Variants in ARHGAP35 observed in about 807,000 individuals in gnomAD.
ARHGAP35 encodes Rho GTPase activating protein 35.
In ARHGAP35, 15 loss-of-function variants were observed where a neutral mutation model predicts 111.1. That is an observed-to-expected ratio of 0.13 (90% CI 0.09 to 0.21). The LOEUF (loss-of-function observed/expected upper bound fraction) is 0.21. Among genes scored for constraint, ARHGAP35 ranks in the 10% least tolerant of loss-of-function variants. ARHGAP35 has a pLI of 1.00. For synonymous variants in ARHGAP35, 643 were observed against 710.3 expected (o/e 0.91, Z 1.51); for missense variants, 1,262 against 1,873.0 (o/e 0.67, Z 6.02).
intron 3 of ARHGAP35, among the ~76,000 whole-genome samples, chr19:46,957,075 T>A (rs925288816): frequency 2.6e-5 from 4 of 151,282 alleles, no homozygotes; most frequent in South Asian, 4.2e-4. Context: ...CATTCTCCTG[T>A]CTCAGCCTCC....
chr19:46,883,668 G>A (rs1180673333), intron 1 of ARHGAP35, among the ~76,000 whole-genome samples: 2 of 152,182 alleles, frequency 1.3e-5, no homozygotes, highest in Non-Finnish European at 1.5e-5. Flanking sequence ...AAATGATGCT[G>A]ATAGACTTGC....
rs1012830005 is a variant in ARHGAP35 at position 46,926,984 on chromosome 19, G to C, written c.3681+4628G>C. ...AGACAAGCTGAATGCGATGAAATAT[G>C]AGCTCTTTGTAACCTGCCTAGGAAA... is the stretch of plus-strand genomic sequence containing the variant. On this transcript the variant is annotated intron_variant, in intron 2 of 6. Coordinates refer to ENST00000672722, the MANE Select transcript of ARHGAP35 (RefSeq NM_004491.5). This position sits in a 1 kb window ranked among gnomAD's most constrained non-coding sequence, Gnocchi z 4.1. Among the ~76,000 whole-genome samples, 1 of 152,344 alleles carries C rather than the reference G, an allele frequency of 6.6e-6. No homozygotes were observed. Among genetic ancestry groups the C allele is most frequent in the Non-Finnish European group, 1.5e-5 (1 of 68,036 alleles).
intron 3 of ARHGAP35, among the ~76,000 whole-genome samples, chr19:46,963,230 T>G (rs1010945206): frequency 1.3e-5 from 2 of 152,146 alleles, no homozygotes; most frequent in Non-Finnish European, 2.9e-5. Flanking sequence ...ATAGTATGAT[T>G]TTGAGCACTT....
In ARHGAP35 at chr19:46,992,286, G is replaced by T. The variant is rs566962752; in HGVS notation, c.4036+2611G>T. 6.6e-6 allele frequency among the ~76,000 whole-genome samples: 1 copy of T among 152,284 alleles called. No individual in the cohort carries two copies. Among genetic ancestry groups the T allele is most frequent in the East Asian group, 1.9e-4 (1 of 5,184 alleles). ...GATACAGCCTGCCCAGGGTCACACCGCTAGGGAGTGGCAAGCCGGGGCTTG... is the reference window on the plus strand; with the variant it reads ...GATACAGCCTGCCCAGGGTCACACCTCTAGGGAGTGGCAAGCCGGGGCTTG... On this transcript the variant is annotated intron_variant, in intron 5 of 6. Transcript: ENST00000672722. This position sits in a 1 kb window ranked among gnomAD's most constrained non-coding sequence, Gnocchi z 4.4.
Position 46,922,115 on chromosome 19 carries a change from G to C in ARHGAP35, c.3440G>C (p.Arg1147Pro), listed in dbSNP as rs756892159. 8.1e-6 allele frequency: 13 copies of C among 1,614,032 alleles called. No homozygotes were observed. Among genetic ancestry groups the C allele is most frequent in the Non-Finnish European group, 8.5e-7 (1 of 1,179,902 alleles). The change falls in exon 2 of 7, where the codon CGC becomes CCC. Residue 1147 changes from arginine to proline, a missense_variant. This residue lies in a region of ARHGAP35 where 579 missense variants were observed against 716.9 expected (regional missense o/e 0.81). Coordinates refer to ENST00000672722, the MANE Select transcript of ARHGAP35 (RefSeq NM_004491.5). The surrounding 1 kb of genome is among the most constrained non-coding windows in gnomAD (Gnocchi z 4.0). The stretch of plus-strand genomic sequence containing the variant: ...GACACCAGCTCTCTAGAGCGAGGGC[G>C]CAAGGTTTCCATCGTGAGCAAGCCA... ...EMDTSSLERG[R>P]KVSIVSKPVL...
chr19:46,957,243 G>A (rs186284269), intron 3 of ARHGAP35, among the ~76,000 whole-genome samples: 228 of 152,238 alleles, frequency 1.5e-3, no homozygotes, highest in African/African-American at 5.1e-3. Context: ...TTACAGGCGT[G>A]AGCCACTGCG....
chr19:46,983,103 AACTG>A (rs1381549049), intron 3 of ARHGAP35, among the ~76,000 whole-genome samples: 2 of 145,914 alleles, frequency 1.4e-5, no homozygotes, highest in African/African-American at 2.5e-5. Context: ...CTCCCCTCCA[AACTG>A]ACTGAATCCA....
chr19:46,914,393 T>C (rs2056153656), intron 1 of ARHGAP35, among the ~76,000 whole-genome samples: 1 of 152,102 alleles, frequency 6.6e-6, no homozygotes, highest in East Asian at 1.9e-4. Flanking sequence ...GGAGGATTGC[T>C]TGAGGCCAGG....
chr19:46,888,260 TAATATATATA>T (rs2056003084), intron 1 of ARHGAP35, among the ~76,000 whole-genome samples: 1 of 53,090 alleles, frequency 1.9e-5, no homozygotes, highest in Non-Finnish European at 3.5e-5. Context: ...CCTCAATCAA[TAATATATATA>T]TATATATATA....
At chr19:46,880,795 C>T (rs1282623524) in intron 1 of ARHGAP35, among the ~76,000 whole-genome samples, 1 of 151,998 alleles carries the variant, frequency 6.6e-6, no homozygotes, top group Non-Finnish European at 1.5e-5. Flanking sequence ...CCTGCCTCAG[C>T]CTACCGAGTA....
At chr19:46,960,462 C>A (rs1471897684) in intron 3 of ARHGAP35, among the ~76,000 whole-genome samples, 1 of 152,092 alleles carries the variant, frequency 6.6e-6, no homozygotes, top group Non-Finnish European at 1.5e-5. Flanking sequence ...TGAAGAATTT[C>A]ATAGGTTTTC....
At chr19:46,900,583 A>G (rs2056079548) in intron 1 of ARHGAP35, among the ~76,000 whole-genome samples, 1 of 152,092 alleles carries the variant, frequency 6.6e-6, no homozygotes, top group East Asian at 1.9e-4. Context: ...TTGAGGTAAT[A>G]CTTAAATTAC....
intron 3 of ARHGAP35, among the ~76,000 whole-genome samples, chr19:46,982,165 G>A (rs1156926012): frequency 3.3e-5 from 5 of 149,942 alleles, no homozygotes; most frequent in Non-Finnish European, 7.4e-5. Flanking sequence ...GTATTTTTGT[G>A]GAAGACCAAG....
At chr19:46,863,320 T>A (rs2055838980) in intron 1 of ARHGAP35, among the ~76,000 whole-genome samples, 1 of 152,204 alleles carries the variant, frequency 6.6e-6, no homozygotes, top group South Asian at 2.1e-4. Flanking sequence ...TCCTGAGAGA[T>A]CTGGGTAAAT....
intron 3 of ARHGAP35, among the ~76,000 whole-genome samples, chr19:46,966,700 GAGTGTAATA>G (rs1419617558): frequency 6.6e-5 from 10 of 152,200 alleles, no homozygotes; most frequent in Non-Finnish European, 4.4e-5. Context: ...GGGATGGAGT[GAGTGTAATA>G]AGTTAGTCTA....
intron 1 of ARHGAP35, among the ~76,000 whole-genome samples, chr19:46,898,348 A>T (rs893152456): frequency 6.6e-6 from 1 of 152,184 alleles, no homozygotes; most frequent in African/African-American, 2.4e-5. Flanking sequence ...TCAAAAAAAT[A>T]TACTTATTGA....
At chr19:46,872,310 T>G (rs989910344) in intron 1 of ARHGAP35, among the ~76,000 whole-genome samples, 2 of 152,152 alleles carry the variant, frequency 1.3e-5, no homozygotes, top group African/African-American at 4.8e-5. Context: ...GCTGAAGTGT[T>G]ATTAGTTAAC....
chr19:46,935,268 C>T (rs1347474146), intron 2 of ARHGAP35, among the ~76,000 whole-genome samples: 1 of 152,168 alleles, frequency 6.6e-6, no homozygotes, highest in Non-Finnish European at 1.5e-5. Context: ...CCCCAGAATC[C>T]ATTCACATTA....
At chr19:46,977,275 C>CCA (rs2056584818) in intron 3 of ARHGAP35, among the ~76,000 whole-genome samples, 1 of 152,186 alleles carries the variant, frequency 6.6e-6, no homozygotes, top group Non-Finnish European at 1.5e-5. Flanking sequence ...AATAATGAAC[C>CCA]CACTACGTTC....
Sources: gnomAD v4.1 joint callset for allele counts (sites outside exome capture counted in the v4.1 genomes callset) on GRCh38, gnomAD v4.1.1 for gene constraint, gnomAD v4.1.1 regional missense constraint, Gnocchi (gnomAD v3.1) non-coding constraint, MANE v1.5 for transcripts, NCBI Gene and HGNC (gene_info 2026-07-23, HGNC 2026-07-21) for gene names.